The following PCNX2 variants were observed in gnomAD, a reference collection of about 807,000 sequenced individuals.
The protein encoded by PCNX2 is pecanex 2.
PCNX2 carries 168 observed loss-of-function variants against 223.8 expected under a neutral mutation model. The ratio of observed to expected loss-of-function variants is 0.75; its 90% CI spans 0.66 to 0.85. The LOEUF is 0.85. Ranked by LOEUF, PCNX2 falls within the 40% of genes least tolerant of loss-of-function variation. The probability of loss-of-function intolerance (pLI) is 0.00; values close to 1 mark genes in which losing one functional copy is unlikely to be tolerated. For synonymous variants in PCNX2, 1,006 were observed against 1,052.6 expected (o/e 0.96, Z 0.86); for missense variants, 2,507 against 2,675.5 (o/e 0.94, Z 1.39).
At chr1:233,049,828 G>C (rs138932753) in intron 25 of PCNX2, among the ~76,000 whole-genome samples, 2 of 151,290 alleles carry the variant, frequency 1.3e-5, no homozygotes, top group African/African-American at 4.9e-5. Context: ...TTCAAGCTGA[G>C]AGCCAAATAA....
In PCNX2 at chr1:232,998,461, GAGGATTCTCAGC is replaced by G. The variant is rs1669956143; in HGVS notation, c.5604-35_5604-24del. ...ATCCTGTGGGAGGGAGAAGTCCTTTGAGGATTCTCAGCAACACACTTCCAATCCCCCTAAATG... is the reference window on the plus strand; with the variant it reads ...ATCCTGTGGGAGGGAGAAGTCCTTTGAACACACTTCCAATCCCCCTAAATG... On this transcript the variant is annotated intron_variant, in intron 31 of 33. Coordinates refer to ENST00000258229, the MANE Select transcript of PCNX2 (RefSeq NM_014801.4). 1.9e-6 allele frequency: 3 copies of G among 1,604,118 alleles called. No individual in the cohort carries two copies. The South Asian group carries it at 3.3e-5, about 18-fold the overall frequency.
chr1:233,318,772 G>T, the PCNX2 span, among the ~76,000 whole-genome samples: 2 of 151,848 alleles, frequency 1.3e-5, no homozygotes, highest in Non-Finnish European at 2.9e-5. Context: ...TCACCATGTT[G>T]ACCAGGCTGG....
chr1:233,227,926 T>A (rs1196829356), intron 9 of PCNX2, among the ~76,000 whole-genome samples: 1 of 152,142 alleles, frequency 6.6e-6, no homozygotes, highest in Non-Finnish European at 1.5e-5. Context: ...GTAAAAGTTT[T>A]AACCCCTAAT....
intron 23 of PCNX2, among the ~76,000 whole-genome samples, chr1:233,073,618 T>C (rs1672952702): frequency 6.6e-6 from 1 of 151,790 alleles, no homozygotes; most frequent in Non-Finnish European, 1.5e-5. Flanking sequence ...ATTATTATTA[T>C]TATTATTTTT....
At chr1:233,214,696 T>C (rs923105920) in intron 12 of PCNX2, among the ~76,000 whole-genome samples, 3 of 152,318 alleles carry the variant, frequency 2.0e-5, no homozygotes, top group Non-Finnish European at 2.9e-5. Flanking sequence ...CATTAATATA[T>C]TGCCATCTCT....
chr1:233,059,046 C>T (rs1437842060), intron 23 of PCNX2, among the ~76,000 whole-genome samples: 2 of 152,082 alleles, frequency 1.3e-5, no homozygotes, highest in African/African-American at 2.4e-5. Flanking sequence ...TTCAGCATGC[C>T]CAGACCTCTT....
rs116530875 is a variant in PCNX2, at chr1:233,111,129, C to T, written c.3838-15266G>A. 2.0e-3 allele frequency among the ~76,000 whole-genome samples: 299 copies of T among 152,240 alleles called. 1 individual carries two copies. The highest frequency in any genetic ancestry group is 6.9e-3 in the African/African-American group (287 of 41,536). The stretch of plus-strand genomic sequence containing the variant: ...TATCATTTTTTATCACACGGAAAGT[C>T]GTACAGAATCTTGGCAGCAAGAATG... On this transcript the variant is annotated intron_variant, in intron 21 of 33. Transcript: ENST00000258229.
intron 3 of PCNX2, 94 bp from the exon 4 acceptor site, chr1:233,261,415 CTAAATGGCATG>C (rs1660032704): frequency 8.6e-7 from 1 of 1,167,974 alleles, no homozygotes; most frequent in East Asian, 2.3e-5. Flanking sequence ...CACTGATTTT[CTAAATGGCATG>C]TAGGGGAGAG....
chr1:233,211,063 A>G (rs1681785559), intron 12 of PCNX2, among the ~76,000 whole-genome samples: 1 of 152,146 alleles, frequency 6.6e-6, no homozygotes, highest in African/African-American at 2.4e-5. Context: ...AGACAGTGGA[A>G]TGGTCAGCTG....
chr1:233,093,848 C>T (rs1465869167), intron 22 of PCNX2, among the ~76,000 whole-genome samples: 2 of 152,154 alleles, frequency 1.3e-5, no homozygotes, highest in East Asian at 3.8e-4. Context: ...ATAAAATCTG[C>T]ATCTCGAATG....
intron 21 of PCNX2, among the ~76,000 whole-genome samples, chr1:233,113,212 TA>T (rs1004880701): frequency 6.6e-6 from 1 of 152,188 alleles, no homozygotes; most frequent in Admixed American, 6.5e-5. Context: ...TTCTGATGAC[TA>T]GACAGCACAG....
chr1:233,117,410 TCAC>T (rs1374664882), intron 21 of PCNX2, among the ~76,000 whole-genome samples: 1 of 151,278 alleles, frequency 6.6e-6, no homozygotes, highest in Admixed American at 6.6e-5. Flanking sequence ...GGCAGGCAGA[TCAC>T]CAGGTCAGGA....
chr1:233,011,806 C>T (rs750823009), intron 28 of PCNX2, among the ~76,000 whole-genome samples: 26 of 152,218 alleles, frequency 1.7e-4, no homozygotes, highest in Non-Finnish European at 3.5e-4. Context: ...CCCTATGCAT[C>T]TCTTCATCTG....
chr1:233,002,136 A>G (rs1220842669), intron 28 of PCNX2, among the ~76,000 whole-genome samples: 1 of 152,164 alleles, frequency 6.6e-6, no homozygotes, highest in Non-Finnish European at 1.5e-5. Flanking sequence ...GGGCTATGTC[A>G]TTGGATTCAA....
intron 9 of PCNX2, among the ~76,000 whole-genome samples, chr1:233,234,867 G>A (rs1416788049): frequency 6.6e-6 from 1 of 152,074 alleles, no homozygotes; most frequent in Non-Finnish European, 1.5e-5. Context: ...CACATACTAG[G>A]GCTGTGGTGA....
At chr1:233,322,233 A>T in the PCNX2 span, among the ~76,000 whole-genome samples, 1 of 151,964 alleles carries the variant, frequency 6.6e-6, no homozygotes, top group East Asian at 1.9e-4. Flanking sequence ...TACATTTGCC[A>T]CCCGATTTCT....
At chr1:232,999,912 A>G (rs946927714) in intron 30 of PCNX2, among the ~76,000 whole-genome samples, 2 of 152,212 alleles carry the variant, frequency 1.3e-5, no homozygotes, top group Non-Finnish European at 1.5e-5. Context: ...TTGAAGCTAT[A>G]TGAAAAGAGG....
the PCNX2 span, among the ~76,000 whole-genome samples, chr1:233,319,105 G>C: frequency 6.6e-6 from 1 of 152,050 alleles, no homozygotes; most frequent in Non-Finnish European, 1.5e-5. Flanking sequence ...TCCCTCTCTC[G>C]GGTTGCTATC....
At chr1:232,996,360 T>G (rs921040601) in intron 32 of PCNX2, among the ~76,000 whole-genome samples, 6 of 152,194 alleles carry the variant, frequency 3.9e-5, no homozygotes, top group African/African-American at 1.4e-4. Context: ...GAAGCTACTT[T>G]GCATTTCCCC....
Sources: gnomAD v4.1 joint callset for allele counts (sites outside exome capture counted in the v4.1 genomes callset) on GRCh38, gnomAD v4.1.1 for gene constraint, MANE v1.5 for transcripts, NCBI Gene and HGNC (gene_info 2026-07-23, HGNC 2026-07-21) for gene names.